The following HSF1 variants were observed in gnomAD, a reference collection of about 807,000 sequenced individuals.
HSF1 encodes the protein heat shock factor protein 1.
Under a neutral mutation model 51.7 loss-of-function variants are expected in HSF1, and 32 were observed. The ratio of observed to expected loss-of-function variants is 0.62; its 90% CI spans 0.47 to 0.83. HSF1 has a LOEUF of 0.83. HSF1 is among the 40% of genes least tolerant of loss of function. HSF1 has a pLI of 0.00. For synonymous variants in HSF1, 396 were observed against 309.7 expected (o/e 1.28, Z -2.92); for missense variants, 727 against 717.0 (o/e 1.01, Z -0.16).
At chr8:144,309,148 C>T in intron 2 of HSF1, 134 bp downstream of exon 2, 1 of 761,888 alleles carries the variant, frequency 1.3e-6, no homozygotes, top group South Asian at 1.6e-5. Context: ...ACCCTGCAAG[C>T]CTGGGGGCCG....
In HSF1 at chr8:144,309,605, C is replaced by T; in HGVS notation, c.363+14C>T. ...AAAGTGACCAGTGTGAGTGCCGGCC[C>T]TGCACCCTTGCCCGGTCTCACCTGC... On this transcript the variant is annotated intron_variant, in intron 3 of 12. Coordinates refer to ENST00000528838, the MANE Select transcript of HSF1 (RefSeq NM_005526.4). The T allele has an allele frequency of 1.2e-6, 2 of 1,613,392 alleles. No homozygotes were observed. The highest frequency in any genetic ancestry group is 1.7e-6 in the Non-Finnish European group (2 of 1,179,812).
chr8:144,294,421 C>T (rs1224313266), intron 1 of HSF1, among the ~76,000 whole-genome samples: 1 of 152,230 alleles, frequency 6.6e-6, no homozygotes, highest in Non-Finnish European at 1.5e-5. Context: ...CTGCTGCCTT[C>T]TCTGGGAGAG....
chr8:144,299,597 C>A (rs1487057670), intron 1 of HSF1, among the ~76,000 whole-genome samples: 3 of 152,008 alleles, frequency 2.0e-5, no homozygotes, highest in African/African-American at 7.3e-5. Context: ...GTTCCCTGTG[C>A]TCAAAGAAAT....
chr8:144,299,751 T>C (rs1815731147), intron 1 of HSF1, among the ~76,000 whole-genome samples: 1 of 151,080 alleles, frequency 6.6e-6, no homozygotes. Context: ...CTACTAAAAA[T>C]ACAAAAAATT....
chr8:144,294,081 GTGTT>G (rs782371000), intron 1 of HSF1, among the ~76,000 whole-genome samples: 5 of 152,204 alleles, frequency 3.3e-5, no homozygotes, highest in East Asian at 3.9e-4. Flanking sequence ...TGGAATGTGA[GTGTT>G]TGGTTCCACC....
chr8:144,309,555 G>A lies in HSF1; in HGVS notation c.327G>A (p.Glu109=). The A allele has an allele frequency of 6.2e-7, 1 of 1,614,068 alleles. No individual in the cohort carries two copies. Among genetic ancestry groups the A allele is most frequent in the Non-Finnish European group, 8.5e-7 (1 of 1,180,024 alleles). Residue 109 remains glutamate, a synonymous_variant, in exon 3 of 13, where the codon GAG becomes GAA. Transcript: ENST00000528838. ...ACCCATGCTTCCTGCGTGGCCAGGA[G>A]CAGCTCCTTGAGAACATCAAGAGGA... The part of the protein sequence containing the change: ...FQHPCFLRGQ[E]QLLENIKRKV...
In HSF1 at chr8:144,291,792, C is replaced by G. The variant is rs1554840395; in HGVS notation, c.35C>G (p.Pro12Arg). The G allele has an allele frequency of 6.5e-7, 1 of 1,544,914 alleles. No individual in the cohort carries two copies. Among genetic ancestry groups the G allele is most frequent in the East Asian group, 2.7e-5 (1 of 37,452 alleles). ...CCCGTGGGCCCCGGCGCGGCGGGGC[C>G]CAGCAACGTCCCGGCCTTCCTGACC... is the stretch of plus-strand genomic sequence containing the variant. ...DLPVGPGAAG[P>R]SNVPAFLTKL... Residue 12 changes from proline to arginine, a missense_variant, in exon 1 of 13, where the codon CCC (proline) becomes CGC (arginine). This residue lies in a region of HSF1 where 257 missense variants were observed against 318.3 expected (regional missense o/e 0.81). Coordinates refer to ENST00000528838, the MANE Select transcript of HSF1 (RefSeq NM_005526.4). This position sits in a 1 kb window ranked among gnomAD's most constrained non-coding sequence, Gnocchi z 4.1.
In HSF1 at chr8:144,309,764, G is replaced by A; in HGVS notation, c.364-8G>A. The A allele has an allele frequency of 6.2e-7, 1 of 1,613,192 alleles. No homozygotes were observed. The highest frequency in any genetic ancestry group is 8.5e-7 in the Non-Finnish European group (1 of 1,179,672). ...CTCCAGTGACTCCTGTCCCTCTCGG[G>A]AATCCAGGTGTCCACCCTGAAGAGT... On this transcript the variant is annotated splice_polypyrimidine_tract_variant and splice_region_variant and intron_variant, in intron 3 of 12. Transcript: ENST00000528838.
rs369268336 is a variant in HSF1, at chr8:144,306,373, T to C, written c.118-2533T>C. ...TTTTTAACTAGAGTTTTTTGTTTGTTTGTTTGTTTGTTTGTTTTTGAGTCT... is the reference window on the plus strand; with the variant it reads ...TTTTTAACTAGAGTTTTTTGTTTGTCTGTTTGTTTGTTTGTTTTTGAGTCT... On this transcript the variant is annotated intron_variant, in intron 1 of 12. Coordinates refer to ENST00000528838, the MANE Select transcript of HSF1 (RefSeq NM_005526.4). Among the ~76,000 whole-genome samples, 162 of 152,008 alleles carry C rather than the reference T, an allele frequency of 1.1e-3. 7 individuals are homozygous for C. In the South Asian group the frequency reaches 0.033, roughly 31 times the overall value.
chr8:144,308,636 G>A (rs1330969982), intron 1 of HSF1, among the ~76,000 whole-genome samples: 4 of 152,210 alleles, frequency 2.6e-5, no homozygotes, highest in Non-Finnish European at 5.9e-5. Flanking sequence ...GGGGCTTTCC[G>A]ACTGAGAGGA....
At chr8:144,299,807 G>A (rs1181826014) in intron 1 of HSF1, among the ~76,000 whole-genome samples, 1 of 152,174 alleles carries the variant, frequency 6.6e-6, no homozygotes, top group African/African-American at 2.4e-5. Flanking sequence ...TCCTCCAGAG[G>A]CTGAGGCAGG....
chr8:144,313,349 C>T (rs1816814287), intron 9 of HSF1, 162 bp from the exon 10 acceptor site: 1 of 585,574 alleles, frequency 1.7e-6, no homozygotes, highest in Non-Finnish European at 3.1e-6. Flanking sequence ...GCCTCCACTG[C>T]CTTCCAGGCC....
At chr8:144,304,705 G>A (rs1554842983) in intron 1 of HSF1, among the ~76,000 whole-genome samples, 2 of 152,122 alleles carry the variant, frequency 1.3e-5, no homozygotes, top group Non-Finnish European at 2.9e-5. Context: ...AGAGGGCAGT[G>A]GCACGATCTG....
chr8:144,311,040 C>T, intron 4 of HSF1, 134 bp from the exon 5 acceptor site: 1 of 791,382 alleles, frequency 1.3e-6, no homozygotes, highest in Non-Finnish European at 2.0e-6. Context: ...AAGTTCTCAT[C>T]CTGGGGTGGG....
At position 144,312,185 on chromosome 8, in the gene HSF1, T is replaced by TGGCCACC; in HGVS notation, c.1083_1084insGGCCACC (p.Pro362GlyfsTer12). On this transcript the variant is annotated frameshift_variant, in exon 9 of 13. Coordinates refer to ENST00000528838, the MANE Select transcript of HSF1 (RefSeq NM_005526.4). LOFTEE classifies it high-confidence loss of function. The stretch of plus-strand genomic sequence containing the variant: ...GCCACACGGACACCGAGGGCCGGCC[T>TGGCCACC]CCCTCCCCCCCGCCCACCTCCACCC... The TGGCCACC allele has an allele frequency of 6.5e-7, 1 of 1,532,948 alleles. No homozygotes were observed. Among genetic ancestry groups the TGGCCACC allele is most frequent in the Non-Finnish European group, 8.9e-7 (1 of 1,117,508 alleles). 95.0% of individuals were successfully genotyped at this position (1,532,948 alleles called of 1,614,324 possible).
chr8:144,312,822 G>T, intron 9 of HSF1: 1 of 981,630 alleles, frequency 1.0e-6, no homozygotes, highest in Non-Finnish European at 1.5e-6. Flanking sequence ...GGGCCTGGGC[G>T]GCAGCAGCCG....
rs142861290 is a variant in HSF1 at position 144,304,386 on chromosome 8, A to T, written c.118-4520A>T. Reference sequence around the variant, plus strand: ...AGGAAGTACTTCCATGAAGTTCCTCACATTGCTGTTCCAGAAGTGGAAATC... The same window carrying T: ...AGGAAGTACTTCCATGAAGTTCCTCTCATTGCTGTTCCAGAAGTGGAAATC... On this transcript the variant is annotated intron_variant, in intron 1 of 12. Transcript: ENST00000528838. Among the ~76,000 whole-genome samples, 59 of 152,356 alleles carry T rather than the reference A, an allele frequency of 3.9e-4. 1 individual carries two copies. The highest frequency in any genetic ancestry group is 1.4e-3 in the African/African-American group (57 of 41,584).
intron 1 of HSF1, among the ~76,000 whole-genome samples, chr8:144,306,887 G>A (rs1279841302): frequency 6.6e-6 from 1 of 152,192 alleles, no homozygotes; most frequent in Non-Finnish European, 1.5e-5. Flanking sequence ...GAATGCCTGG[G>A]GCCAGTGAGT....
In HSF1 at chr8:144,301,733, C is replaced by T. The variant is rs182205676; in HGVS notation, c.118-7173C>T. Among the ~76,000 whole-genome samples the T allele has an allele frequency of 1.4e-4, 22 of 151,896 alleles. No individual in the cohort carries two copies. The East Asian group carries it at 1.8e-3, about 12-fold the overall frequency. ...TACAAAAATTAGCCGGGCGTGGTGGCGGGTGCCTGTAGTCCTAGCTACTCG... is the reference window on the plus strand; with the variant it reads ...TACAAAAATTAGCCGGGCGTGGTGGTGGGTGCCTGTAGTCCTAGCTACTCG... On this transcript the variant is annotated intron_variant, in intron 1 of 12. Coordinates refer to ENST00000528838, the MANE Select transcript of HSF1 (RefSeq NM_005526.4).
Sources: gnomAD v4.1 joint callset for allele counts (sites outside exome capture counted in the v4.1 genomes callset) on GRCh38, gnomAD v4.1.1 for gene constraint, gnomAD v4.1.1 regional missense constraint, Gnocchi (gnomAD v3.1) non-coding constraint, MANE v1.5 for transcripts, NCBI Gene and HGNC (gene_info 2026-07-23, HGNC 2026-07-21) for gene names.